Variants in CPB2 observed in about 807,000 individuals in gnomAD.
CPB2 encodes carboxypeptidase B-like protein.
Under a neutral mutation model 57.0 loss-of-function variants are expected in CPB2, and 54 were observed. The ratio of observed to expected loss-of-function variants is 0.95; its 90% CI spans 0.76 to 1.19. CPB2 has a LOEUF of 1.19. CPB2 is among the 50% of genes most tolerant of loss of function. The probability of loss-of-function intolerance (pLI) is 0.00; values close to 1 mark genes in which losing one functional copy is unlikely to be tolerated. For missense variants in CPB2, 426 were observed against 512.0 expected (o/e 0.83, Z 1.62); for synonymous variants, 189 against 178.1 (o/e 1.06, Z -0.49).
chr13:46,094,351 A>T (rs2045336007), intron 1 of CPB2, among the ~76,000 whole-genome samples: 1 of 152,208 alleles, frequency 6.6e-6, no homozygotes, highest in Non-Finnish European at 1.5e-5. Flanking sequence ...GGAACTAACT[A>T]GAATGTTAAA....
chr13:46,068,175 T>G (rs1202805738), intron 6 of CPB2, among the ~76,000 whole-genome samples: 1 of 152,234 alleles, frequency 6.6e-6, no homozygotes, highest in Non-Finnish European at 1.5e-5. Flanking sequence ...TGTGGCAACA[T>G]TGCTATATTT....
In CPB2 at chr13:46,058,326, C is replaced by T. The variant is rs2044725532; in HGVS notation, c.852G>A (p.Glu284=). ...CSETYCGLYP[E]SEPEVKAVAS... is the part of the protein sequence containing the mutation. Reference sequence around the variant, plus strand: ...CCACTGCCTTCACTTCTGGTTCTGACTCAGGATAAAGTCCACAGTAGGTTT... The same window carrying T: ...CCACTGCCTTCACTTCTGGTTCTGATTCAGGATAAAGTCCACAGTAGGTTT... Residue 284 remains glutamate (E), a synonymous_variant, in exon 9 of 11, where the codon GAG becomes GAA. Transcript: ENST00000181383. The T allele has an allele frequency of 1.9e-6, 3 of 1,613,996 alleles. No individual in the cohort carries two copies. The Admixed American group carries it at 5.0e-5, about 27-fold the overall frequency.
intron 4 of CPB2, 51 bp downstream of exon 4, chr13:46,082,390 A>G: frequency 9.5e-7 from 1 of 1,055,240 alleles, no homozygotes; most frequent in Non-Finnish European, 1.4e-6. Flanking sequence ...TTGAAATGGC[A>G]ATACTGGTTA....
At chr13:46,086,176 A>G (rs1164911546) in intron 2 of CPB2, among the ~76,000 whole-genome samples, 1 of 152,090 alleles carries the variant, frequency 6.6e-6, no homozygotes, top group Non-Finnish European at 1.5e-5. Flanking sequence ...GGGAGTTCTT[A>G]GGTCTGAGCT....
chr13:46,095,097 T>C (rs987327274), intron 1 of CPB2: 17 of 152,182 alleles, frequency 1.1e-4, no homozygotes, highest in African/African-American at 4.1e-4. Context: ...AACTTGGGTA[T>C]CTGGAGCCCT....
chr13:46,093,234 G>A (rs1037563446), intron 1 of CPB2, among the ~76,000 whole-genome samples: 5 of 152,166 alleles, frequency 3.3e-5, no homozygotes, highest in African/African-American at 1.2e-4. Context: ...AACAAGGGTG[G>A]AGGGTGGCTT....
At chr13:46,060,987 C>T (rs1593883467) in intron 8 of CPB2, among the ~76,000 whole-genome samples, 1 of 152,002 alleles carries the variant, frequency 6.6e-6, no homozygotes, top group Admixed American at 6.6e-5. Context: ...TAGGCAAATT[C>T]ATAGAGACAG....
intron 2 of CPB2, among the ~76,000 whole-genome samples, chr13:46,084,826 TTTTA>T (rs765454230): frequency 4.6e-5 from 7 of 151,226 alleles, no homozygotes; most frequent in Non-Finnish European, 7.4e-5. Flanking sequence ...TTAATGTGCT[TTTTA>T]TTTATTTATT....
intron 9 of CPB2, among the ~76,000 whole-genome samples, chr13:46,057,812 C>G (rs1451807106): frequency 1.3e-5 from 2 of 152,146 alleles, no homozygotes; most frequent in Non-Finnish European, 2.9e-5. Context: ...CTGTGGTGTG[C>G]TGTTGTAGGA....
chr13:46,060,138 A>G (rs2044750910), intron 8 of CPB2, among the ~76,000 whole-genome samples: 1 of 152,202 alleles, frequency 6.6e-6, no homozygotes, highest in South Asian at 2.1e-4. Context: ...TCACATATTT[A>G]CTTTAAATTT....
chr13:46,095,585 A>G (rs532404983), intron 1 of CPB2, among the ~76,000 whole-genome samples: 5 of 152,296 alleles, frequency 3.3e-5, no homozygotes, highest in Admixed American at 6.5e-5. Context: ...ATTGCGCTGG[A>G]TATGTCAGTC....
At chr13:46,055,425 C>T (rs1276018044) in intron 10 of CPB2, among the ~76,000 whole-genome samples, 3 of 152,198 alleles carry the variant, frequency 2.0e-5, no homozygotes, top group Non-Finnish European at 4.4e-5. Context: ...GTACAACCTG[C>T]ACAACCTTCC....
chr13:46,066,495 A>T (rs1007099055), intron 7 of CPB2, among the ~76,000 whole-genome samples: 9 of 152,186 alleles, frequency 5.9e-5, no homozygotes, highest in Non-Finnish European at 1.0e-4. Flanking sequence ...AGACATATAA[A>T]CCAATCATAA....
intron 2 of CPB2, among the ~76,000 whole-genome samples, chr13:46,087,302 T>A (rs2045224863): frequency 6.6e-6 from 1 of 152,256 alleles, no homozygotes; most frequent in African/African-American, 2.4e-5. Flanking sequence ...GCAGCCGCTC[T>A]AGATGGGCCG....
chr13:46,083,903 C>T (rs554631808), intron 3 of CPB2, among the ~76,000 whole-genome samples: 4 of 152,252 alleles, frequency 2.6e-5, no homozygotes, highest in African/African-American at 9.6e-5. Context: ...AAAAGCCTAC[C>T]AAGGCAAATG....
At chr13:46,078,940 GT>G (rs1409277238) in intron 4 of CPB2, 39 bp from the exon 5 acceptor site, 1 of 1,301,548 alleles carries the variant, frequency 7.7e-7, no homozygotes, top group Non-Finnish European at 1.1e-6. Context: ...ACGAAGCCAA[GT>G]TCAAAGCATT....
rs1445382501 is a variant in CPB2, at chr13:46,060,828, A to G, written c.797-2447T>C. Among the ~76,000 whole-genome samples, 3 of 152,160 alleles carry G rather than the reference A, an allele frequency of 2.0e-5. No individual in the cohort carries two copies. The East Asian group carries it at 5.8e-4, about 29-fold the overall frequency. On this transcript the variant is annotated intron_variant, in intron 8 of 10. Coordinates refer to ENST00000181383, the MANE Select transcript of CPB2 (RefSeq NM_001872.5). ...TCGAGACTCTGCTTTACCATTAAGC[A>G]GTCATGTTAATTTGGGCAACTACTT... is the stretch of plus-strand genomic sequence containing the variant.
At chr13:46,089,451 G>A (rs2045259214) in intron 1 of CPB2, among the ~76,000 whole-genome samples, 1 of 152,042 alleles carries the variant, frequency 6.6e-6, no homozygotes, top group Admixed American at 6.6e-5. Context: ...CTCATCCTGC[G>A]GCCAGAAGCA....
intron 1 of CPB2, among the ~76,000 whole-genome samples, chr13:46,102,152 T>G (rs1283593088): frequency 6.6e-6 from 1 of 152,232 alleles, no homozygotes; most frequent in Admixed American, 6.5e-5. Context: ...CTGTGGTCTA[T>G]TAATAATTCA....
Sources: gnomAD v4.1 joint callset for allele counts (sites outside exome capture counted in the v4.1 genomes callset) on GRCh38, gnomAD v4.1.1 for gene constraint, MANE v1.5 for transcripts, NCBI Gene and HGNC (gene_info 2026-07-23, HGNC 2026-07-21) for gene names.